The following MRPS6 variants were observed in gnomAD, a reference collection of about 807,000 sequenced individuals.
MRPS6 encodes mitochondrial ribosomal protein S6.
Under a neutral mutation model 13.1 loss-of-function variants are expected in MRPS6, and 6 were observed. The observed-to-expected ratio is 0.46, with a 90% CI of 0.25 to 0.91. MRPS6 has a LOEUF of 0.91. Ranked by LOEUF, MRPS6 falls within the 40% of genes least tolerant of loss-of-function variation. MRPS6 has a pLI of 0.18. For synonymous variants in MRPS6, 61 were observed against 56.5 expected, an observed-to-expected ratio of 1.08 and a Z score of -0.36; for missense variants, 164 against 155.6, an observed-to-expected ratio of 1.05 and a Z score of -0.29.
intron 1 of MRPS6, among the ~76,000 whole-genome samples, chr21:34,108,789 C>G (rs1249278891): frequency 6.6e-6 from 1 of 152,078 alleles, no homozygotes; most frequent in Non-Finnish European, 1.5e-5. Context: ...ATCATAAGAC[C>G]ATAGGAATTT....
rs557966542 is a variant in MRPS6, at chr21:34,096,385, A to G, written c.45+22640A>G. Reference sequence around the variant, plus strand: ...ACCATATTCACCCTCGATGTGTACAAACTTATCCGCAAGAGCGCAAGCTCC... The same window carrying G: ...ACCATATTCACCCTCGATGTGTACAGACTTATCCGCAAGAGCGCAAGCTCC... On this transcript the variant is annotated intron_variant, in intron 1 of 2. Coordinates refer to ENST00000399312, the MANE Select transcript of MRPS6 (RefSeq NM_032476.4). The surrounding 1 kb of genome is among the most constrained non-coding windows in gnomAD (Gnocchi z 5.9). 1.2e-5 allele frequency: 19 copies of G among 1,614,206 alleles called. No homozygotes were observed. The highest frequency in any genetic ancestry group is 1.5e-5 in the Non-Finnish European group (18 of 1,180,016).
intron 2 of MRPS6, among the ~76,000 whole-genome samples, chr21:34,139,463 A>G (rs772933131): frequency 1.3e-5 from 2 of 152,202 alleles, no homozygotes; most frequent in Non-Finnish European, 2.9e-5. Context: ...TAAGGGTTTA[A>G]ACTACACATA....
chr21:34,117,249 C>G (rs970993704), intron 1 of MRPS6, among the ~76,000 whole-genome samples: 1 of 152,020 alleles, frequency 6.6e-6, no homozygotes, highest in Non-Finnish European at 1.5e-5. Flanking sequence ...TTGATTCTAC[C>G]CCAAATATAA....
chr21:34,100,752 G>A (rs935933729), intron 1 of MRPS6: 10 of 999,874 alleles, frequency 1.0e-5, no homozygotes, highest in African/African-American at 7.0e-5. Context: ...GTCTGTATTC[G>A]CAGTCCATGG....
At chr21:34,098,054 G>C in intron 1 of MRPS6, 6 of 999,006 alleles carry the variant, frequency 6.0e-6, no homozygotes, top group Non-Finnish European at 7.2e-6. Flanking sequence ...CAACAAGTCT[G>C]CCTGTAAAGT....
chr21:34,102,918 C>G (rs757228959), intron 1 of MRPS6: 4 of 999,490 alleles, frequency 4.0e-6, no homozygotes, highest in Non-Finnish European at 4.8e-6. Flanking sequence ...AGTAGGTATC[C>G]CCAACCTAAT....
intron 1 of MRPS6, chr21:34,098,947 A>G (rs1232235796): frequency 3.0e-6 from 3 of 988,844 alleles, no homozygotes; most frequent in Admixed American, 6.2e-5. Flanking sequence ...GTATTTAGGG[A>G]AATTACTTTC....
chr21:34,097,107 G>C (rs1379083360), intron 1 of MRPS6: 3 of 1,613,964 alleles, frequency 1.9e-6, no homozygotes, highest in Non-Finnish European at 2.5e-6. Flanking sequence ...TGGGCAAGCA[G>C]CTCTCATGGG....
intron 2 of MRPS6, among the ~76,000 whole-genome samples, chr21:34,131,517 G>A (rs1048004461): frequency 2.0e-5 from 3 of 152,084 alleles, no homozygotes; most frequent in African/African-American, 7.2e-5. Flanking sequence ...TGCAGGGAGC[G>A]GGCATCAAGG....
intron 1 of MRPS6, chr21:34,122,207 C>T (rs1980143820): frequency 6.6e-6 from 1 of 152,136 alleles, no homozygotes; most frequent in African/African-American, 2.4e-5. Context: ...CAGAAGTAGC[C>T]ATAGACACTA....
intron 1 of MRPS6, among the ~76,000 whole-genome samples, chr21:34,092,216 G>A (rs1783297): frequency 0.98 from 149,536 of 152,310 alleles, 73,465 homozygotes; most frequent in East Asian, 1. Context: ...GGCTGTGACT[G>A]TGACTAGAGT....
At chr21:34,108,001 T>C (rs981428731) in intron 1 of MRPS6, among the ~76,000 whole-genome samples, 8 of 152,190 alleles carry the variant, frequency 5.3e-5, no homozygotes, top group Admixed American at 4.6e-4. Context: ...ACATGTCTTA[T>C]AATGGTGTTT....
chr21:34,131,036 G>A (rs934720562), intron 2 of MRPS6, among the ~76,000 whole-genome samples: 1 of 152,216 alleles, frequency 6.6e-6, no homozygotes, highest in Non-Finnish European at 1.5e-5. Context: ...GCACATGGTC[G>A]AAGGTGCTGG....
chr21:34,130,884 G>A (rs8129426), intron 2 of MRPS6, among the ~76,000 whole-genome samples: 13,783 of 147,808 alleles, frequency 0.093, 772 homozygotes, highest in Middle Eastern at 0.16. Flanking sequence ...TCATAGAAGT[G>A]GTGATTCTAT....
At chr21:34,078,332 A>G (rs1989382215) in intron 1 of MRPS6, among the ~76,000 whole-genome samples, 1 of 152,190 alleles carries the variant, frequency 6.6e-6, no homozygotes, top group Non-Finnish European at 1.5e-5. Context: ...TTATTGCCGC[A>G]GCAAGCTATT....
intron 2 of MRPS6, chr21:34,135,724 T>G: frequency 2.4e-6 from 1 of 415,860 alleles, no homozygotes; most frequent in Non-Finnish European, 4.9e-6. Flanking sequence ...GACCTGGAGG[T>G]GAGGGTTCTC....
At chr21:34,120,991 G>A (rs1569422943) in intron 1 of MRPS6, among the ~76,000 whole-genome samples, 1 of 151,868 alleles carries the variant, frequency 6.6e-6, no homozygotes, top group Non-Finnish European at 1.5e-5. Context: ...TCTTAAAGGA[G>A]GTACAATTAG....
At chr21:34,105,517 C>G (rs1294416811) in intron 1 of MRPS6, 1 of 999,552 alleles carries the variant, frequency 1.0e-6, no homozygotes, top group African/African-American at 1.7e-5. Flanking sequence ...TAAAAGATGT[C>G]TACATTGAAA....
intron 2 of MRPS6, among the ~76,000 whole-genome samples, chr21:34,133,040 C>T (rs115334150): frequency 0.011 from 1,738 of 152,258 alleles, 40 homozygotes; most frequent in African/African-American, 0.04. Flanking sequence ...GGCTGCTGGA[C>T]CCCAACCAAC....
Sources: gnomAD v4.1 joint callset for allele counts (sites outside exome capture counted in the v4.1 genomes callset) on GRCh38, gnomAD v4.1.1 for gene constraint, Gnocchi (gnomAD v3.1) non-coding constraint, MANE v1.5 for transcripts, NCBI Gene and HGNC (gene_info 2026-07-23, HGNC 2026-07-21) for gene names.